Variants in PIWIL1 observed in about 807,000 individuals in gnomAD.
PIWIL1 encodes the protein piwi-like protein 1.
Under a neutral mutation model 114.4 loss-of-function variants are expected in PIWIL1, and 73 were observed. The observed-to-expected ratio is 0.64, with a 90% CI of 0.53 to 0.78. The LOEUF (loss-of-function observed/expected upper bound fraction) is 0.78, where lower values mean the gene tolerates loss of function less well. Among genes scored for constraint, PIWIL1 ranks in the 30% least tolerant of loss-of-function variants. PIWIL1 has a pLI of 0.00. For synonymous variants in PIWIL1, 375 were observed against 369.0 expected (o/e 1.02, Z -0.19); for missense variants, 723 against 1,063.1 (o/e 0.68, Z 4.45).
the PIWIL1 span, among the ~76,000 whole-genome samples, chr12:130,405,434 G>A: frequency 1.1e-4 from 16 of 152,248 alleles, no homozygotes; most frequent in Admixed American, 1.0e-3. Flanking sequence ...GGAGCAGGTG[G>A]AAACACATGT....
At chr12:130,343,365 C>T (rs1370206274) in intron 3 of PIWIL1, among the ~76,000 whole-genome samples, 1 of 152,174 alleles carries the variant, frequency 6.6e-6, no homozygotes, top group Non-Finnish European at 1.5e-5. Context: ...AGTTCCCTAT[C>T]TGTAACAAGG....
At chr12:130,357,157 A>G (rs749720319) in intron 13 of PIWIL1, 52 bp downstream of exon 13, 3 of 1,324,780 alleles carry the variant, frequency 2.3e-6, no homozygotes, top group South Asian at 2.6e-5. Flanking sequence ...AGTCATTTGG[A>G]GGGGTGGGAA....
At chr12:130,368,423 T>C (rs1448115109) in intron 19 of PIWIL1, among the ~76,000 whole-genome samples, 1 of 152,212 alleles carries the variant, frequency 6.6e-6, no homozygotes, top group Non-Finnish European at 1.5e-5. Context: ...TTTAGTCTTA[T>C]CTAGTCTGCT....
intron 20 of PIWIL1, 47 bp downstream of exon 20, chr12:130,371,370 T>C (rs940085847): frequency 1.9e-6 from 3 of 1,612,728 alleles, no homozygotes; most frequent in Non-Finnish European, 2.5e-6. Context: ...GGACATTCAC[T>C]TTTCAAAATG....
the PIWIL1 span, chr12:130,397,864 ATTAGG>A: frequency 5.0e-6 from 1 of 199,702 alleles, no homozygotes; most frequent in East Asian, 1.1e-4. Context: ...ATGATCTGAA[ATTAGG>A]TTGATAGTAA....
chr12:130,407,921 C>T, the PIWIL1 span: 1 of 1,117,738 alleles, frequency 8.9e-7, no homozygotes, highest in Non-Finnish European at 1.4e-6. Flanking sequence ...ATGGCCAATA[C>T]AGCCGAGACC....
rs374078683 is a variant in PIWIL1, at chr12:130,343,099, A to G, written c.188A>G (p.Gln63Arg). 3.7e-6 allele frequency: 6 copies of G among 1,608,886 alleles called. No individual in the cohort carries two copies. Among genetic ancestry groups the G allele is most frequent in the Non-Finnish European group, 5.1e-6 (6 of 1,176,178 alleles). The change falls in exon 3 of 21, where the codon CAA becomes CGA. Residue 63 changes from glutamine to arginine, a missense_variant and splice_region_variant. Coordinates refer to ENST00000245255, the MANE Select transcript of PIWIL1 (RefSeq NM_004764.5). ...ACAGCAGGAGGAACAGCCAAGTCAC[A>G]AGGTGAAGAGAAAGTAAAAGGAAGT... Reference protein sequence around the residue: ...RGTAGGTAKSQGLQISAGFQE... With the variant: ...RGTAGGTAKSRGLQISAGFQE...
the PIWIL1 span, among the ~76,000 whole-genome samples, chr12:130,391,794 C>T: frequency 5.5e-5 from 1 of 18,342 alleles, no homozygotes; most frequent in Non-Finnish European, 1.9e-4. Flanking sequence ...ACCTGCGACA[C>T]CCATGGGGGC....
chr12:130,385,611 T>C, the PIWIL1 span, among the ~76,000 whole-genome samples: 1 of 152,228 alleles, frequency 6.6e-6, no homozygotes, highest in Non-Finnish European at 1.5e-5. Flanking sequence ...GAAGTTCTCA[T>C]GTTCCACACC....
the PIWIL1 span, among the ~76,000 whole-genome samples, chr12:130,403,767 T>C: frequency 6.6e-6 from 1 of 152,324 alleles, no homozygotes; most frequent in South Asian, 2.1e-4. Flanking sequence ...TTCCAATGAA[T>C]ACAGATTATT....
chr12:130,342,201 G>T (rs2072940150), intron 1 of PIWIL1: 3 of 184,954 alleles, frequency 1.6e-5, no homozygotes, highest in African/African-American at 2.8e-5. Context: ...TCTGTGTATG[G>T]GAGTATGTGT....
chr12:130,412,844 A>G, the PIWIL1 span: 1 of 1,488,592 alleles, frequency 6.7e-7, no homozygotes. Context: ...CAGAAATACA[A>G]TAGTCCCACT....
the PIWIL1 span, chr12:130,399,181 C>T: frequency 1.5e-6 from 2 of 1,334,624 alleles, no homozygotes; most frequent in Non-Finnish European, 1.9e-6. Flanking sequence ...AGCAGATGAG[C>T]AAAGAAATAA....
chr12:130,381,043 C>A, the PIWIL1 span, among the ~76,000 whole-genome samples: 1 of 152,044 alleles, frequency 6.6e-6, no homozygotes, highest in Non-Finnish European at 1.5e-5. Context: ...CAGCCTCCCC[C>A]ATATCAACAT....
At chr12:130,416,858 A>G in the PIWIL1 span, among the ~76,000 whole-genome samples, 1 of 152,236 alleles carries the variant, frequency 6.6e-6, no homozygotes, top group Admixed American at 6.5e-5. Context: ...AAGGAACTTA[A>G]ATCAACAAGC....
chr12:130,349,490 G>C lies in PIWIL1; in HGVS notation c.932+54G>C, dbSNP rs1380112591. 2.1e-5 allele frequency: 25 copies of C among 1,188,834 alleles called. 1 individual carries two copies. In the Admixed American group the frequency reaches 4.7e-4, roughly 22 times the overall value. The allele number at this position is 1,188,834 out of a possible 1,614,324, so 73.6% of individuals were successfully genotyped here. A position where few individuals can be genotyped will look rare whatever the true frequency, so the allele number is the denominator to read the frequency against. On this transcript the variant is annotated intron_variant, in intron 8 of 20. Coordinates refer to ENST00000245255, the MANE Select transcript of PIWIL1 (RefSeq NM_004764.5). ...ATTTTTTGTGAGTCAAAGTATTGTG[G>C]CTTTCTAGTTCTACCATGTTAAGAA...
At chr12:130,345,671 CA>C in intron 3 of PIWIL1, 81 bp from the exon 4 acceptor site, 1 of 1,442,446 alleles carries the variant, frequency 6.9e-7, no homozygotes. Context: ...CTTTGGATTA[CA>C]CATAATAGCA....
At chr12:130,421,691 ATGTGTGTGTGTG>A in the PIWIL1 span, among the ~76,000 whole-genome samples, 332 of 147,296 alleles carry the variant, frequency 2.3e-3, no homozygotes, top group African/African-American at 7.8e-3. Context: ...CTGCATTTAT[ATGTGTGTGTGTG>A]TGTGTGTGTG....
In PIWIL1 at chr12:130,371,165, T is replaced by C; in HGVS notation, c.2322-11T>C. ...GTTTTCAGCACATCCGTGTGTTTTC[T>C]GTAATTCCAGGTATGACTTTTTTAT... On this transcript the variant is annotated splice_polypyrimidine_tract_variant and intron_variant, in intron 19 of 20. Coordinates refer to ENST00000245255, the MANE Select transcript of PIWIL1 (RefSeq NM_004764.5). 1 of 1,613,572 alleles carries C rather than the reference T, an allele frequency of 6.2e-7. No individual in the cohort carries two copies. The highest frequency in any genetic ancestry group is 8.5e-7 in the Non-Finnish European group (1 of 1,179,512).
Sources: allele counts gnomAD v4.1 joint callset (sites outside exome capture counted in the v4.1 genomes callset), GRCh38; gene constraint gnomAD v4.1.1; transcripts MANE v1.5; gene names NCBI Gene and HGNC (gene_info 2026-07-23, HGNC 2026-07-21).